The following PPP1R42 variants were observed in gnomAD, a reference collection of about 807,000 sequenced individuals.
PPP1R42 encodes leucine rich repeat containing 67.
Under a neutral mutation model 31.0 loss-of-function variants are expected in PPP1R42, and 34 were observed. The ratio of observed to expected loss-of-function variants is 1.10; its 90% CI spans 0.83 to 1.46. The LOEUF (loss-of-function observed/expected upper bound fraction) is 1.46. Among genes scored for constraint, PPP1R42 ranks in the 40% most tolerant of loss-of-function variants. The probability of loss-of-function intolerance (pLI) is 0.00; values close to 1 mark genes in which losing one functional copy is unlikely to be tolerated. For missense variants in PPP1R42, 268 were observed against 303.0 expected, an observed-to-expected ratio of 0.88 and a Z score of 0.86; for synonymous variants, 103 against 109.8, an observed-to-expected ratio of 0.94 and a Z score of 0.39.
chr8:66,984,893 G>A (rs978823900), intron 6 of PPP1R42: 2 of 1,558,844 alleles, frequency 1.3e-6, no homozygotes, highest in Admixed American at 1.7e-5. Context: ...AGTTTTTTCT[G>A]TTCCTTCTTG....
At chr8:67,023,537 T>A (rs1035059068) in intron 1 of PPP1R42, among the ~76,000 whole-genome samples, 1 of 152,236 alleles carries the variant, frequency 6.6e-6, no homozygotes, top group Non-Finnish European at 1.5e-5. Context: ...AATATTGATT[T>A]TATATCCAGC....
At chr8:66,998,850 T>C (rs1423234734) in intron 5 of PPP1R42, among the ~76,000 whole-genome samples, 1 of 152,212 alleles carries the variant, frequency 6.6e-6, no homozygotes, top group Admixed American at 6.5e-5. Context: ...CATTTATTTC[T>C]GAATGCCAAA....
At chr8:67,026,522 A>C (rs1816401908) in intron 1 of PPP1R42, among the ~76,000 whole-genome samples, 2 of 151,886 alleles carry the variant, frequency 1.3e-5, no homozygotes, top group Non-Finnish European at 2.9e-5. Context: ...TTCACATAAA[A>C]ATTTATTCTC....
intron 2 of PPP1R42, among the ~76,000 whole-genome samples, chr8:67,017,390 A>C (rs1266404359): frequency 6.6e-6 from 1 of 152,140 alleles, no homozygotes; most frequent in Non-Finnish European, 1.5e-5. Context: ...GCTACTCGGT[A>C]GGCTGAGGTA....
intron 7 of PPP1R42, among the ~76,000 whole-genome samples, chr8:66,974,171 C>T (rs1042500128): frequency 1.3e-5 from 2 of 152,162 alleles, no homozygotes; most frequent in Non-Finnish European, 2.9e-5. Context: ...ATACTGTTTG[C>T]TATAGTGGCT....
At position 66,993,060 on chromosome 8, in the gene PPP1R42, A is replaced by G. The variant is rs1441458673; in HGVS notation, c.553-4543T>C. ...CACTACCAAAACTCATTATCTCTCA[A>G]ACTTGACTCTTGACTTCTTTATTTC... On this transcript the variant is annotated intron_variant, in intron 5 of 7. Transcript: ENST00000685739. 2.0e-5 allele frequency among the ~76,000 whole-genome samples: 3 copies of G among 152,140 alleles called. No homozygotes were observed. In the East Asian group the frequency reaches 5.8e-4, roughly 29 times the overall value.
At chr8:67,023,686 A>C (rs908223870) in intron 1 of PPP1R42, among the ~76,000 whole-genome samples, 9 of 151,930 alleles carry the variant, frequency 5.9e-5, no homozygotes, top group African/African-American at 2.2e-4. Flanking sequence ...GTGTTATTGC[A>C]CTGGCTAGGA....
At chr8:66,991,028 AT>A (rs1198200073) in intron 5 of PPP1R42, among the ~76,000 whole-genome samples, 2 of 152,222 alleles carry the variant, frequency 1.3e-5, no homozygotes, top group Non-Finnish European at 2.9e-5. Flanking sequence ...TATTTCCCTC[AT>A]TCATACTGAA....
chr8:67,009,616 C>T (rs1291069252), intron 5 of PPP1R42, among the ~76,000 whole-genome samples: 1 of 152,030 alleles, frequency 6.6e-6, no homozygotes, highest in Non-Finnish European at 1.5e-5. Flanking sequence ...GAATTTATCC[C>T]ATGAACGTCT....
chr8:66,984,867 C>T, intron 6 of PPP1R42: 1 of 1,583,162 alleles, frequency 6.3e-7, no homozygotes, highest in Non-Finnish European at 8.7e-7. Context: ...GTGCTTCCCT[C>T]CTTGTCTGTC....
At chr8:67,023,592 G>A (rs1288575770) in intron 1 of PPP1R42, among the ~76,000 whole-genome samples, 2 of 152,014 alleles carry the variant, frequency 1.3e-5, no homozygotes, top group Non-Finnish European at 2.9e-5. Context: ...GAGTCTTTGG[G>A]TTTTCCATGT....
chr8:67,002,431 T>A (rs980256513), intron 5 of PPP1R42, among the ~76,000 whole-genome samples: 1 of 152,240 alleles, frequency 6.6e-6, no homozygotes, highest in African/African-American at 2.4e-5. Context: ...ACTCCTGACC[T>A]CGAGTCATCC....
In PPP1R42 at chr8:66,988,496, T is replaced by G; in HGVS notation, c.574A>C (p.Lys192Gln). 1 of 1,606,842 alleles carries G rather than the reference T, an allele frequency of 6.2e-7. No individual in the cohort carries two copies. Among genetic ancestry groups the G allele is most frequent in the Non-Finnish European group, 8.5e-7 (1 of 1,177,832 alleles). Residue 192 changes from lysine (K) to glutamine (Q), a missense_variant, in exon 6 of 8, where the codon AAG becomes CAG. Coordinates refer to ENST00000685739, the MANE Select transcript of PPP1R42 (RefSeq NM_001364910.1). ...HVKDLEFLLN[K>Q]LMKLWKIDLN... ...TCAATTTTCCACAGCTTCATCAACT[T>G]GTTCAGTAAAAACTCCAAATCCTAT...
chr8:67,007,956 G>T (rs1305695127), intron 5 of PPP1R42, among the ~76,000 whole-genome samples: 1 of 144,854 alleles, frequency 6.9e-6, no homozygotes, highest in Non-Finnish European at 1.5e-5. Context: ...GGCAGATCTC[G>T]GCTCACTGCA....
chr8:67,009,344 G>T (rs1815779452), intron 5 of PPP1R42, among the ~76,000 whole-genome samples: 1 of 152,182 alleles, frequency 6.6e-6, no homozygotes, highest in African/African-American at 2.4e-5. Flanking sequence ...GAGGTGGGCA[G>T]ATCCCCTGAG....
At chr8:66,998,912 T>A (rs1437115674) in intron 5 of PPP1R42, among the ~76,000 whole-genome samples, 1 of 152,194 alleles carries the variant, frequency 6.6e-6, no homozygotes, top group Non-Finnish European at 1.5e-5. Context: ...GTGTTTTTTT[T>A]TATATATTTC....
At chr8:66,981,993 C>T (rs1814855780) in intron 7 of PPP1R42, 56 bp downstream of exon 7, 1 of 1,284,242 alleles carries the variant, frequency 7.8e-7, no homozygotes, top group Non-Finnish European at 9.8e-7. Flanking sequence ...TTTTTGTTGC[C>T]TAGAATATTT....
intron 5 of PPP1R42, among the ~76,000 whole-genome samples, chr8:66,993,932 T>G (rs548606857): frequency 3.3e-5 from 5 of 152,288 alleles, no homozygotes; most frequent in Non-Finnish European, 1.5e-5. Flanking sequence ...GATGGAACCA[T>G]TTTTGAAGAA....
intron 5 of PPP1R42, among the ~76,000 whole-genome samples, chr8:66,991,215 G>T (rs1815180001): frequency 6.6e-6 from 1 of 151,950 alleles, no homozygotes; most frequent in Non-Finnish European, 1.5e-5. Flanking sequence ...TACATTTTTG[G>T]AGCCATGATA....
Sources: allele counts gnomAD v4.1 joint callset (sites outside exome capture counted in the v4.1 genomes callset), GRCh38; gene constraint gnomAD v4.1.1; transcripts MANE v1.5; gene names NCBI Gene and HGNC (gene_info 2026-07-23, HGNC 2026-07-21).